GMEB2: variants seen among roughly 807,000 people sequenced by gnomAD.
GMEB2 encodes the protein glucocorticoid modulatory element-binding protein 2.
In GMEB2, 7 loss-of-function variants were observed where a neutral mutation model predicts 45.7. The ratio of observed to expected loss-of-function variants is 0.15; its 90% CI spans 0.09 to 0.29. The LOEUF is 0.29. Among genes scored for constraint, GMEB2 ranks in the 10% least tolerant of loss-of-function variants. The pLI is 1.00. For missense variants in GMEB2, 582 were observed against 739.2 expected, an observed-to-expected ratio of 0.79 and a Z score of 2.47; for synonymous variants, 322 against 323.6, an observed-to-expected ratio of 1.00 and a Z score of 0.05.
intron 2 of GMEB2, among the ~76,000 whole-genome samples, chr20:63,606,343 AAAC>A (rs1317875843): frequency 7.9e-5 from 11 of 139,836 alleles, no homozygotes; most frequent in African/African-American, 2.8e-4. Context: ...AAAACACCAC[AAAC>A]AATTTTTTTT....
intron 2 of GMEB2, among the ~76,000 whole-genome samples, chr20:63,612,816 A>G (rs544979449): frequency 6.6e-6 from 1 of 152,336 alleles, no homozygotes; most frequent in African/African-American, 2.4e-5. Flanking sequence ...CCAGACCAGC[A>G]GGTCCTTGCC....
At chr20:63,612,210 C>T (rs1401304615) in intron 2 of GMEB2, among the ~76,000 whole-genome samples, 4 of 152,152 alleles carry the variant, frequency 2.6e-5, no homozygotes, top group African/African-American at 9.7e-5. Context: ...AAAGACCAAC[C>T]TGGGCTATGG....
Position 63,590,181 on chromosome 20 carries a change from C to A in GMEB2, c.1501G>T (p.Val501Leu), listed in dbSNP as rs751736161. 31 of 1,602,078 alleles carry A rather than the reference C, an allele frequency of 1.9e-5. No individual in the cohort carries two copies. The highest frequency in any genetic ancestry group is 2.5e-5 in the Non-Finnish European group (29 of 1,173,454). ...AQASPGSSTI[V>L]TVPAGAAPGP... ...GGGGCAGCCCCTGCGGGCACTGTCA[C>A]AATTGTGCTGGAGCCAGGCGAGGCC... Residue 501 changes from valine (V) to leucine (L), a missense_variant, in exon 10 of 10, where the codon GTG becomes TTG. Val to Leu is a conservative substitution (Grantham distance 32, BLOSUM62 1). Transcript: ENST00000370077.
At position 63,592,433 on chromosome 20, in the gene GMEB2, GCAGCACAGAAGGGC is replaced by G; in HGVS notation, c.829+86_829+99del. ...AAGCCTAGATTCAGCCTCCAACCCA[GCAGCACAGAAGGGC>G]CTAGGGGCAGGAGGGCCAGTGGCCT... is the stretch of plus-strand genomic sequence containing the variant. On this transcript the variant is annotated intron_variant, in intron 8 of 9. Coordinates refer to ENST00000370077, the MANE Select transcript of GMEB2 (RefSeq NM_012384.5). This position sits in a 1 kb window ranked among gnomAD's most constrained non-coding sequence, Gnocchi z 8.2. 14 of 902,064 alleles carry G rather than the reference GCAGCACAGAAGGGC, an allele frequency of 1.6e-5. No individual in the cohort carries two copies. The South Asian group carries it at 2.3e-4, about 15-fold the overall frequency. The allele number at this position is 902,064 out of a possible 1,614,324, so 55.9% of individuals were successfully genotyped here.
chr20:63,605,146 G>T (rs2089509126), intron 2 of GMEB2, among the ~76,000 whole-genome samples: 1 of 151,998 alleles, frequency 6.6e-6, no homozygotes, highest in South Asian at 2.1e-4. Flanking sequence ...AGTTGGGGTA[G>T]GAGAACCGCT....
intron 2 of GMEB2, among the ~76,000 whole-genome samples, chr20:63,614,195 A>G (rs1224112713): frequency 1.3e-5 from 2 of 152,220 alleles, no homozygotes; most frequent in Admixed American, 1.3e-4. Context: ...ATATATGAAT[A>G]TCATTCATCA....
In GMEB2 at chr20:63,593,921, G is replaced by A. The variant is rs1350170539; in HGVS notation, c.620-839C>T. Among the ~76,000 whole-genome samples the A allele has an allele frequency of 1.3e-5, 2 of 152,242 alleles. No homozygotes were observed. The highest frequency in any genetic ancestry group is 2.4e-5 in the African/African-American group (1 of 41,466). ...TGTAATCCCAGCTACTCGGGAGGCT[G>A]AGGCAGGAGAATCGCTAGAACCCGG... On this transcript the variant is annotated intron_variant, in intron 6 of 9. Coordinates refer to ENST00000370077, the MANE Select transcript of GMEB2 (RefSeq NM_012384.5). This position sits in a 1 kb window ranked among gnomAD's most constrained non-coding sequence, Gnocchi z 4.7.
intron 2 of GMEB2, among the ~76,000 whole-genome samples, chr20:63,613,135 C>CA (rs1475417478): frequency 6.6e-6 from 1 of 152,022 alleles, no homozygotes; most frequent in Non-Finnish European, 1.5e-5. Flanking sequence ...TCTTAAACAG[C>CA]AAAAGAAAAC....
intron 2 of GMEB2, among the ~76,000 whole-genome samples, chr20:63,616,918 A>G (rs1017025253): frequency 6.6e-6 from 1 of 151,790 alleles, no homozygotes; most frequent in Non-Finnish European, 1.5e-5. Context: ...TCTTCAGGAG[A>G]TAATTTAAAT....
rs2089603082 is a variant in GMEB2, at chr20:63,615,633, G to A, written c.131+3634C>T. Among the ~76,000 whole-genome samples the A allele has an allele frequency of 1.3e-5, 2 of 152,142 alleles. 1 individual carries two copies. Among genetic ancestry groups the A allele is most frequent in the Non-Finnish European group, 2.9e-5 (2 of 68,026 alleles). ...GAGCCACCAGGCCTGGCCAACATAG[G>A]AAGAAATTTAAATTTGAATTGAATA... On this transcript the variant is annotated intron_variant, in intron 2 of 9. Coordinates refer to ENST00000370077, the MANE Select transcript of GMEB2 (RefSeq NM_012384.5).
At chr20:63,609,242 A>AC (rs560810883) in intron 2 of GMEB2, among the ~76,000 whole-genome samples, 1 of 20,796 alleles carries the variant, frequency 4.8e-5, no homozygotes. Context: ...TGCCCCTCTG[A>AC]CCCACCTCCA....
rs930410934 is a variant in GMEB2 at position 63,610,439 on chromosome 20, T to C, written c.132-5599A>G. ...AGGAGGCTGAGGCAAGAGAATGGCG[T>C]GAACCCGGGAGGTGGAGGTTACAGT... On this transcript the variant is annotated intron_variant, in intron 2 of 9. Coordinates refer to ENST00000370077, the MANE Select transcript of GMEB2 (RefSeq NM_012384.5). Among the ~76,000 whole-genome samples, 4 of 152,172 alleles carry C rather than the reference T, an allele frequency of 2.6e-5. No homozygotes were observed. In the South Asian group the frequency reaches 8.3e-4, roughly 32 times the overall value.
At chr20:63,608,541 A>C (rs2089538661) in intron 2 of GMEB2, among the ~76,000 whole-genome samples, 1 of 6,324 alleles carries the variant, frequency 1.6e-4, no homozygotes, top group African/African-American at 5.1e-4. Flanking sequence ...ATCCATTTCT[A>C]GAAACATGCC....
chr20:63,591,216 CAG>C (rs1191135680), intron 9 of GMEB2, among the ~76,000 whole-genome samples: 1 of 134,184 alleles, frequency 7.5e-6, no homozygotes, highest in Non-Finnish European at 1.6e-5. Context: ...TGAACACAAA[CAG>C]TGAACACACA....
chr20:63,617,149 T>C (rs781683987), intron 2 of GMEB2, among the ~76,000 whole-genome samples: 10 of 152,028 alleles, frequency 6.6e-5, no homozygotes, highest in East Asian at 1.9e-4. Flanking sequence ...TGGTGGTGCA[T>C]TGTGTTTTTT....
intron 3 of GMEB2, 152 bp from the exon 4 acceptor site, chr20:63,603,244 G>T: frequency 1.4e-6 from 1 of 731,594 alleles, no homozygotes; most frequent in Non-Finnish European, 2.3e-6. Flanking sequence ...AGGTGGGCAG[G>T]GCATGCCCAT....
In GMEB2 at chr20:63,619,222, A is replaced by T. The variant is rs1400815916; in HGVS notation, c.131+45T>A. The T allele has an allele frequency of 6.5e-7, 1 of 1,529,294 alleles. No homozygotes were observed. The highest frequency in any genetic ancestry group is 8.8e-7 in the Non-Finnish European group (1 of 1,138,552). The allele number at this position is 1,529,294 out of a possible 1,614,324, so 94.7% of individuals were successfully genotyped here. A position where few individuals can be genotyped will look rare whatever the true frequency, so the allele number is the denominator to read the frequency against. Reference sequence around the variant, plus strand: ...TGCCAGCTGTGCCAAGGACAGCCCAACCCAAGCCCCCATCAGCCCCAATGG... The same window carrying T: ...TGCCAGCTGTGCCAAGGACAGCCCATCCCAAGCCCCCATCAGCCCCAATGG... On this transcript the variant is annotated intron_variant, in intron 2 of 9. Coordinates refer to ENST00000370077, the MANE Select transcript of GMEB2 (RefSeq NM_012384.5). The surrounding 1 kb of genome is among the most constrained non-coding windows in gnomAD (Gnocchi z 4.6).
chr20:63,614,198 A>T (rs575900643), intron 2 of GMEB2, among the ~76,000 whole-genome samples: 2 of 152,184 alleles, frequency 1.3e-5, no homozygotes, highest in Non-Finnish European at 2.9e-5. Flanking sequence ...TATGAATATC[A>T]TTCATCATTA....
intron 1 of GMEB2, among the ~76,000 whole-genome samples, chr20:63,623,146 A>G (rs1360115047): frequency 6.6e-6 from 1 of 152,198 alleles, no homozygotes; most frequent in Non-Finnish European, 1.5e-5. Context: ...TGAGTGATGG[A>G]AGGAAAATGT....
Sources: allele counts gnomAD v4.1 joint callset (sites outside exome capture counted in the v4.1 genomes callset), GRCh38; gene constraint gnomAD v4.1.1; non-coding constraint Gnocchi (gnomAD v3.1); transcripts MANE v1.5; gene names NCBI Gene and HGNC (gene_info 2026-07-23, HGNC 2026-07-21).